The following UTP4 variants were observed in gnomAD, a reference collection of about 807,000 sequenced individuals.
UTP4 encodes UTP4 small subunit processome component.
UTP4 carries 45 observed loss-of-function variants against 82.4 expected under a neutral mutation model. The observed-to-expected ratio is 0.55, with a 90% CI of 0.43 to 0.70. The LOEUF (loss-of-function observed/expected upper bound fraction) is 0.70, where lower values mean the gene tolerates loss of function less well. Ranked by LOEUF, UTP4 falls within the 30% of genes least tolerant of loss-of-function variation. The probability of loss-of-function intolerance (pLI) is 0.00; values close to 1 mark genes in which losing one functional copy is unlikely to be tolerated. For synonymous variants in UTP4, 348 were observed against 300.3 expected, an observed-to-expected ratio of 1.16 and a Z score of -1.64; for missense variants, 819 against 858.3, an observed-to-expected ratio of 0.95 and a Z score of 0.57.
At chr16:69,165,586 C>G (rs758373908) in intron 15 of UTP4, 60 bp downstream of exon 15, 8 of 1,391,786 alleles carry the variant, frequency 5.7e-6, no homozygotes, top group Middle Eastern at 1.8e-4. Context: ...CTAAAAGCAA[C>G]AAGTACAATA....
At chr16:69,151,349 GTCTC>G (rs894070260) in intron 8 of UTP4, among the ~76,000 whole-genome samples, 1 of 140,366 alleles carries the variant, frequency 7.1e-6, no homozygotes, top group Non-Finnish European at 1.5e-5. Context: ...TTGAGACTGA[GTCTC>G]TCTCTGTCGC....
At chr16:69,146,674 A>T (rs1963117065) in intron 6 of UTP4, among the ~76,000 whole-genome samples, 1 of 151,564 alleles carries the variant, frequency 6.6e-6, no homozygotes, top group South Asian at 2.1e-4. Context: ...CAGCCTGGCC[A>T]GTATGATGAA....
intron 2 of UTP4, 36 bp from the exon 3 acceptor site, chr16:69,136,660 T>C (rs1567599925): frequency 1.2e-6 from 2 of 1,608,972 alleles, no homozygotes; most frequent in South Asian, 1.1e-5. Context: ...CCTGATGAAT[T>C]TGTGGTAATG....
intron 13 of UTP4, among the ~76,000 whole-genome samples, chr16:69,161,636 C>T (rs950708901): frequency 5.3e-5 from 8 of 152,234 alleles, no homozygotes; most frequent in Non-Finnish European, 7.3e-5. Flanking sequence ...CAGTTCTCCA[C>T]AAACGCTGTT....
At chr16:69,143,852 G>A (rs1028986764) in intron 6 of UTP4, among the ~76,000 whole-genome samples, 1 of 146,896 alleles carries the variant, frequency 6.8e-6, no homozygotes, top group Non-Finnish European at 1.5e-5. Flanking sequence ...CAGGAACCAC[G>A]GCACCTGGCC....
At chr16:69,161,572 C>T (rs1963562487) in intron 13 of UTP4, among the ~76,000 whole-genome samples, 1 of 151,684 alleles carries the variant, frequency 6.6e-6, no homozygotes, top group African/African-American at 2.4e-5. Context: ...TTCAATGACA[C>T]ATTTATAAGC....
chr16:69,151,078 C>T (rs966938322), intron 8 of UTP4, among the ~76,000 whole-genome samples, 174 bp downstream of exon 8: 1 of 151,168 alleles, frequency 6.6e-6, no homozygotes, highest in African/African-American at 2.4e-5. Context: ...GCGATCTCGG[C>T]TCACCACAAC....
At chr16:69,164,119 T>C (rs933727847) in intron 14 of UTP4, among the ~76,000 whole-genome samples, 22 of 151,752 alleles carry the variant, frequency 1.4e-4, no homozygotes, top group Admixed American at 7.2e-4. Flanking sequence ...CTCCTGACCT[T>C]GTGATCCGCC....
intron 8 of UTP4, among the ~76,000 whole-genome samples, chr16:69,152,791 T>C (rs1188624911): frequency 6.6e-6 from 1 of 151,924 alleles, no homozygotes; most frequent in Non-Finnish European, 1.5e-5. Context: ...TTTTTTTATT[T>C]TTTATTTTTT....
rs760541143 is a variant in UTP4 at position 69,154,418 on chromosome 16, C to T, written c.1125C>T (p.Leu375=). Residue 375 remains leucine (L), a synonymous_variant, in exon 10 of 17, where the codon CTC becomes CTT. Transcript: ENST00000314423. ...ATGKNGDTLP[L]SKNADHLLHL... is the part of the protein sequence containing the mutation. The stretch of plus-strand genomic sequence containing the variant: ...GCAAGAATGGGGATACTCTTCCACT[C>T]TCTAAAAATGCAGATCATTTACTGC... 6 of 1,612,972 alleles carry T rather than the reference C, an allele frequency of 3.7e-6. No homozygotes were observed. The highest frequency in any genetic ancestry group is 5.1e-6 in the Non-Finnish European group (6 of 1,179,176).
chr16:69,138,876 G>A (rs1455893385), intron 4 of UTP4: 1 of 151,540 alleles, frequency 6.6e-6, no homozygotes, highest in East Asian at 1.9e-4. Flanking sequence ...TTCTAGAATA[G>A]CAAATGTCCT....
chr16:69,160,318 T>C (rs1048979871), intron 12 of UTP4, 38 bp from the exon 13 acceptor site: 2 of 1,521,572 alleles, frequency 1.3e-6, no homozygotes, highest in African/African-American at 2.7e-5. Context: ...CTGTGGACAC[T>C]GTGTGAATTC....
chr16:69,143,430 T>C (rs1375106295), intron 6 of UTP4, 41 bp downstream of exon 6: 4 of 1,573,164 alleles, frequency 2.5e-6, no homozygotes, highest in Non-Finnish European at 3.5e-6. Context: ...TGTACACCCT[T>C]GTGGGGTGAG....
chr16:69,158,779 C>T (rs1963490022), intron 12 of UTP4, among the ~76,000 whole-genome samples: 1 of 152,016 alleles, frequency 6.6e-6, no homozygotes, highest in African/African-American at 2.4e-5. Context: ...TCCTTTTTTC[C>T]TCATCCCCAC....
chr16:69,161,380 A>G (rs1963558717), intron 13 of UTP4, among the ~76,000 whole-genome samples: 3 of 152,238 alleles, frequency 2.0e-5, no homozygotes, highest in African/African-American at 7.2e-5. Context: ...TTACCTGTTA[A>G]CTGCATAGTG....
Position 69,143,275 on chromosome 16 carries a change from T to C in UTP4, c.624T>C (p.Thr208=). Residue 208 remains threonine (T), a synonymous_variant, in exon 6 of 17, where the codon ACT becomes ACC. Coordinates refer to ENST00000314423, the MANE Select transcript of UTP4 (RefSeq NM_032830.3). The stretch of plus-strand genomic sequence containing the variant: ...GTGTCGCCTTCTTGTCCGATGGCAC[T>C]ATCATAAGTGTGGACTCTGCTGGGA... ...VWGVAFLSDG[T]IISVDSAGKV... is the part of the protein sequence containing the mutation. 2 of 1,614,250 alleles carry C rather than the reference T, an allele frequency of 1.2e-6. No homozygotes were observed. The highest frequency in any genetic ancestry group is 1.7e-6 in the Non-Finnish European group (2 of 1,180,036).
chr16:69,151,656 G>A (rs1381342549), intron 8 of UTP4, among the ~76,000 whole-genome samples: 1 of 151,544 alleles, frequency 6.6e-6, no homozygotes, highest in East Asian at 1.9e-4. Context: ...CTGGGACATG[G>A]AGATATTGTA....
intron 13 of UTP4, 106 bp downstream of exon 13, chr16:69,160,568 G>C: frequency 1.3e-6 from 1 of 785,654 alleles, no homozygotes; most frequent in South Asian, 1.5e-5. Flanking sequence ...AAATTTATTA[G>C]ACTTTTTTCT....
chr16:69,168,802 A>G lies in UTP4; in HGVS notation c.1945-19A>G, dbSNP rs1183046679. On this transcript the variant is annotated intron_variant, in intron 16 of 16. Transcript: ENST00000314423. Reference sequence around the variant, plus strand: ...CCTGGATCCTAAGTCCTGATAGAATAATTATCATCCCTCTGCAGCCTCTAC... The same window carrying G: ...CCTGGATCCTAAGTCCTGATAGAATGATTATCATCCCTCTGCAGCCTCTAC... 5 of 1,482,410 alleles carry G rather than the reference A, an allele frequency of 3.4e-6. No individual in the cohort carries two copies. In the African/African-American group the frequency reaches 6.9e-5, roughly 20 times the overall value. The allele number at this position is 1,482,410 out of a possible 1,614,324, so 91.8% of individuals were successfully genotyped here. A position where few individuals can be genotyped will look rare whatever the true frequency, so the allele number is the denominator to read the frequency against.
Sources: allele counts gnomAD v4.1 joint callset (sites outside exome capture counted in the v4.1 genomes callset), GRCh38; gene constraint gnomAD v4.1.1; transcripts MANE v1.5; gene names NCBI Gene and HGNC (gene_info 2026-07-23, HGNC 2026-07-21).